ALOX12: variants seen among roughly 807,000 people sequenced by gnomAD.
ALOX12 encodes polyunsaturated fatty acid lipoxygenase ALOX12.
Under a neutral mutation model 85.5 loss-of-function variants are expected in ALOX12, and 62 were observed. The observed-to-expected ratio is 0.73, with a 90% CI of 0.59 to 0.90. The LOEUF is 0.90. Ranked by LOEUF, ALOX12 falls within the 40% of genes least tolerant of loss-of-function variation. The pLI is 0.00. For synonymous variants in ALOX12, 299 were observed against 332.7 expected, an observed-to-expected ratio of 0.90 and a Z score of 1.10; for missense variants, 751 against 856.5, an observed-to-expected ratio of 0.88 and a Z score of 1.54.
At chr17:6,998,903 T>G (rs1399846011) in intron 4 of ALOX12, 50 bp from the exon 5 acceptor site, 1 of 1,613,956 alleles carries the variant, frequency 6.2e-7, no homozygotes, top group East Asian at 2.2e-5. Context: ...TGATAGACGG[T>G]GAGGGACTGA....
At chr17:6,998,639 TCCCTGCCCCTGC>T (rs576891719) in intron 3 of ALOX12, 49 bp downstream of exon 3, 7 of 1,598,654 alleles carry the variant, frequency 4.4e-6, no homozygotes, top group East Asian at 2.2e-5. Flanking sequence ...TCCCACCCCT[TCCCTGCCCCTGC>T]CCCTGCCCCT....
rs554368301 is a variant in ALOX12, at chr17:7,006,732, G to A, written c.1540+125G>A. On this transcript the variant is annotated intron_variant, in intron 11 of 13. Coordinates refer to ENST00000251535, the MANE Select transcript of ALOX12 (RefSeq NM_000697.3). ...CGCCTCCCTTCCTCCCTCCACACGG[G>A]AAAGCATGTGTATCCCATTCCCACC... The A allele has an allele frequency of 1.0e-5, 13 of 1,300,986 alleles. No individual in the cohort carries two copies. In the Middle Eastern group the frequency reaches 6.6e-4, roughly 66 times the overall value. The allele number at this position is 1,300,986 out of a possible 1,614,324, so 80.6% of individuals were successfully genotyped here.
At chr17:7,009,281 G>A (rs543321524) in intron 11 of ALOX12, among the ~76,000 whole-genome samples, 24 of 151,058 alleles carry the variant, frequency 1.6e-4, no homozygotes, top group Non-Finnish European at 2.8e-4. Flanking sequence ...GGATGGTCTC[G>A]ATCTCCTGAC....
intron 11 of ALOX12, among the ~76,000 whole-genome samples, chr17:7,008,612 G>A (rs1909205959): frequency 6.6e-6 from 1 of 152,168 alleles, no homozygotes; most frequent in South Asian, 2.1e-4. Flanking sequence ...TGGGCATGGT[G>A]GTGGGAGCCT....
intron 2 of ALOX12, 41 bp downstream of exon 2, chr17:6,997,068 G>C: frequency 6.7e-7 from 1 of 1,502,622 alleles, no homozygotes; most frequent in Non-Finnish European, 8.9e-7. Context: ...AAGGTCTCGG[G>C]AACTGCTGCG....
At position 7,000,620 on chromosome 17, in the gene ALOX12, C is replaced by A; in HGVS notation, c.951+141C>A. The A allele has an allele frequency of 1.1e-6, 1 of 946,172 alleles. No homozygotes were observed. Among genetic ancestry groups the A allele is most frequent in the Non-Finnish European group, 1.6e-6 (1 of 636,218 alleles). 58.6% of individuals were successfully genotyped at this position (946,172 alleles called of 1,614,324 possible). A position where few individuals can be genotyped will look rare whatever the true frequency, so the allele number is the denominator to read the frequency against. ...GTCTTCATGTCACTATTTGCCTGTA[C>A]CCTCGTCTCCCCTGCCTCATCCAAC... On this transcript the variant is annotated intron_variant, in intron 7 of 13. Coordinates refer to ENST00000251535, the MANE Select transcript of ALOX12 (RefSeq NM_000697.3). This position sits in a 1 kb window ranked among gnomAD's most constrained non-coding sequence, Gnocchi z 4.6.
chr17:6,999,489 G>C, intron 6 of ALOX12, 23 bp downstream of exon 6: 1 of 1,612,146 alleles, frequency 6.2e-7, no homozygotes. Context: ...CCCCTGCCTG[G>C]CACTGTTCTC....
At position 6,996,887 on chromosome 17, in the gene ALOX12, GCAAGCAC is replaced by G; in HGVS notation, c.200_206del (p.Lys67ThrfsTer38). ...GGGCTCCTGCAGTTCGTGAGGCTGC[GCAAGCAC>G]CACTGGCTGGTGGACGACGCGTGGT... On this transcript the variant is annotated frameshift_variant, in exon 2 of 14. Coordinates refer to ENST00000251535, the MANE Select transcript of ALOX12 (RefSeq NM_000697.3). LOFTEE classifies it high-confidence loss of function. 1 of 1,613,972 alleles carries G rather than the reference GCAAGCAC, an allele frequency of 6.2e-7. No individual in the cohort carries two copies. The highest frequency in any genetic ancestry group is 2.2e-5 in the East Asian group (1 of 44,870).
chr17:7,010,679 C>A lies in ALOX12; in HGVS notation c.*256C>A. ...CTCTCCTGCTGCAGCATGAAGGCAG[C>A]CACAGACAACATGGAAATGAGTGTG... On this transcript the variant is annotated 3_prime_UTR_variant, in exon 14 of 14. Transcript: ENST00000251535. The A allele has an allele frequency of 2.6e-6, 1 of 390,414 alleles. No individual in the cohort carries two copies. Among genetic ancestry groups the A allele is most frequent in the Admixed American group, 4.1e-5 (1 of 24,318 alleles). The allele number at this position is 390,414 out of a possible 1,614,324, so 24.2% of individuals were successfully genotyped here.
chr17:7,005,368 C>T, intron 9 of ALOX12, 25 bp downstream of exon 9: 1 of 1,569,128 alleles, frequency 6.4e-7, no homozygotes, highest in Non-Finnish European at 8.8e-7. Flanking sequence ...GGGCATGGGA[C>T]TGCCTCATCC....
At chr17:6,998,049 A>G (rs1274249682) in intron 2 of ALOX12, among the ~76,000 whole-genome samples, 1 of 152,188 alleles carries the variant, frequency 6.6e-6, no homozygotes, top group African/African-American at 2.4e-5. Context: ...TTTAAAAAAA[A>G]AAAAGCAAAT....
rs1280818184 is a variant in ALOX12, at chr17:7,007,910, C to A, written c.1540+1303C>A. 3.9e-5 allele frequency among the ~76,000 whole-genome samples: 6 copies of A among 152,010 alleles called. No homozygotes were observed. The East Asian group carries it at 9.7e-4, about 24-fold the overall frequency. On this transcript the variant is annotated intron_variant, in intron 11 of 13. Transcript: ENST00000251535. ...AAATAAAATAAAAAAAACCACACAC[C>A]ATAGACTGGGTGGCTTATAAACAAC...
At position 6,996,395 on chromosome 17, in the gene ALOX12, G is replaced by C. The variant is rs1045346546; in HGVS notation, c.135+143G>C. On this transcript the variant is annotated intron_variant, in intron 1 of 13. Coordinates refer to ENST00000251535, the MANE Select transcript of ALOX12 (RefSeq NM_000697.3). The stretch of plus-strand genomic sequence containing the variant: ...CGGACTGGGACTTCCACGAAGCTGG[G>C]ACGAGGTGGGCAAGATTAGGGACAG... The C allele has an allele frequency of 1.2e-5, 12 of 1,021,862 alleles. No homozygotes were observed. The Admixed American group carries it at 5.2e-4, about 44-fold the overall frequency. The allele number at this position is 1,021,862 out of a possible 1,614,324, so 63.3% of individuals were successfully genotyped here.
rs988801329 is a variant in ALOX12, at chr17:7,009,988, A to G, written c.1674A>G (p.Pro558=). The G allele has an allele frequency of 1.7e-5, 27 of 1,614,006 alleles. No homozygotes were observed. The East Asian group carries it at 6.0e-4, about 36-fold the overall frequency. ...GGTATGCCTGGGTCCCTAATGCTCCATGCACAATGCGGATGCCCCCACCCA... is the reference window on the plus strand; with the variant it reads ...GGTATGCCTGGGTCCCTAATGCTCCGTGCACAATGCGGATGCCCCCACCCA... ...LDWYAWVPNA[P]CTMRMPPPTT... Residue 558 remains proline (P), a synonymous_variant, in exon 13 of 14, where the codon CCA becomes CCG. Coordinates refer to ENST00000251535, the MANE Select transcript of ALOX12 (RefSeq NM_000697.3).
intron 4 of ALOX12, 29 bp from the exon 5 acceptor site, chr17:6,998,924 G>A: frequency 6.2e-7 from 1 of 1,614,076 alleles, no homozygotes; most frequent in Non-Finnish European, 8.5e-7. Flanking sequence ...GGGATCAGCT[G>A]ATGAGTTAAG....
Position 7,000,217 on chromosome 17 carries a change from G to T in ALOX12, c.808-119G>T. The T allele has an allele frequency of 8.3e-7, 1 of 1,202,916 alleles. No individual in the cohort carries two copies. Among genetic ancestry groups the T allele is most frequent in the Non-Finnish European group, 1.2e-6 (1 of 846,652 alleles). 74.5% of individuals were successfully genotyped at this position (1,202,916 alleles called of 1,614,324 possible). Reference sequence around the variant, plus strand: ...CCAGGGGCTCTAGTTCTCCCAACAGGGCTCCGGTACTGATGCAGGAGAATG... The same window carrying T: ...CCAGGGGCTCTAGTTCTCCCAACAGTGCTCCGGTACTGATGCAGGAGAATG... On this transcript the variant is annotated intron_variant, in intron 6 of 13. Coordinates refer to ENST00000251535, the MANE Select transcript of ALOX12 (RefSeq NM_000697.3). This position sits in a 1 kb window ranked among gnomAD's most constrained non-coding sequence, Gnocchi z 4.6.
chr17:6,999,030 T>C lies in ALOX12; in HGVS notation c.620T>C (p.Phe207Ser). Residue 207 changes from phenylalanine to serine, a missense_variant, in exon 5 of 14, where the codon TTC becomes TCC. By Grantham distance (155) the Phe-to-Ser change is radical. Coordinates refer to ENST00000251535, the MANE Select transcript of ALOX12 (RefSeq NM_000697.3). ...WNCLEDFDQI[F>S]WGQKSALAEK... ...TGCCTAGAAGACTTTGATCAGATCT[T>C]CTGGGGCCAGAAGAGTGCCCTGGCT... 6.2e-7 allele frequency: 1 copy of C among 1,613,988 alleles called. No homozygotes were observed. Among genetic ancestry groups the C allele is most frequent in the Non-Finnish European group, 8.5e-7 (1 of 1,180,036 alleles).
At chr17:7,005,761 T>C in intron 9 of ALOX12, 97 bp from the exon 10 acceptor site, 1 of 1,378,396 alleles carries the variant, frequency 7.3e-7, no homozygotes, top group East Asian at 2.3e-5. Flanking sequence ...ACCCATGTCT[T>C]AATATCTGAA....
In ALOX12 at chr17:6,998,481, G is replaced by A. The variant is rs1306674919; in HGVS notation, c.338-28G>A. 3 of 1,527,494 alleles carry A rather than the reference G, an allele frequency of 2.0e-6. No individual in the cohort carries two copies. The East Asian group carries it at 6.8e-5, about 34-fold the overall frequency. 94.6% of individuals were successfully genotyped at this position (1,527,494 alleles called of 1,614,324 possible). A position where few individuals can be genotyped will look rare whatever the true frequency, so the allele number is the denominator to read the frequency against. ...CGGGCATAGGACCAGACAGAGCCGT[G>A]AGGCCAATTGTCTTGATGTCTCCCC... On this transcript the variant is annotated intron_variant, in intron 2 of 13. Transcript: ENST00000251535.
Sources: allele counts gnomAD v4.1 joint callset (sites outside exome capture counted in the v4.1 genomes callset), GRCh38; gene constraint gnomAD v4.1.1; non-coding constraint Gnocchi (gnomAD v3.1); transcripts MANE v1.5; gene names NCBI Gene and HGNC (gene_info 2026-07-23, HGNC 2026-07-21).